Variants in LMF1 observed in about 807,000 individuals in gnomAD.
LMF1 encodes the protein lipase maturation factor 1.
Under a neutral mutation model 60.6 loss-of-function variants are expected in LMF1, and 68 were observed. The ratio of observed to expected loss-of-function variants is 1.12; its 90% CI spans 0.92 to 1.37. The LOEUF is 1.37. Among genes scored for constraint, LMF1 ranks in the 40% most tolerant of loss-of-function variants. LMF1 has a pLI of 0.00. For missense variants in LMF1, 948 were observed against 767.2 expected (o/e 1.24, Z -2.78); for synonymous variants, 418 against 324.7 (o/e 1.29, Z -3.09).
intron 10 of LMF1, among the ~76,000 whole-genome samples, chr16:856,627 C>CA (rs1221859834): frequency 6.6e-6 from 1 of 152,214 alleles, no homozygotes; most frequent in Non-Finnish European, 1.5e-5. Flanking sequence ...TGGTCTCTGA[C>CA]ATCAAGAGCT....
At chr16:936,924 G>A (rs112428182) in intron 2 of LMF1, among the ~76,000 whole-genome samples, 1 of 152,114 alleles carries the variant, frequency 6.6e-6, no homozygotes, top group African/African-American at 2.4e-5. Flanking sequence ...CCAAGATCGC[G>A]CTACTATTGC....
chr16:914,322 A>C (rs2071207902), intron 3 of LMF1, among the ~76,000 whole-genome samples: 1 of 152,022 alleles, frequency 6.6e-6, no homozygotes, highest in Non-Finnish European at 1.5e-5. Context: ...CCCTGACCCA[A>C]ATGGGGAGAA....
chr16:938,571 A>G (rs1323922594), intron 2 of LMF1, among the ~76,000 whole-genome samples: 2 of 152,246 alleles, frequency 1.3e-5, no homozygotes, highest in African/African-American at 4.8e-5. Flanking sequence ...AATGGTAATA[A>G]CAAGAGGTGT....
At position 931,933 on chromosome 16, in the gene LMF1, G is replaced by A. The variant is rs925193072; in HGVS notation, c.514+2311C>T. On this transcript the variant is annotated intron_variant, in intron 3 of 10. Transcript: ENST00000262301. Reference sequence around the variant, plus strand: ...CGAAGAATCAGTTAGAATGTATGACGCTCACCTGAAAACACCCAGGGAGAC... The same window carrying A: ...CGAAGAATCAGTTAGAATGTATGACACTCACCTGAAAACACCCAGGGAGAC... 9 of 694,020 alleles carry A rather than the reference G, an allele frequency of 1.3e-5. No individual in the cohort carries two copies. In the Admixed American group the frequency reaches 2.7e-4, roughly 21 times the overall value. 43.0% of individuals were successfully genotyped at this position (694,020 alleles called of 1,614,324 possible).
At chr16:892,711 C>T (rs1434051740) in intron 5 of LMF1, among the ~76,000 whole-genome samples, 6 of 152,220 alleles carry the variant, frequency 3.9e-5, no homozygotes, top group Non-Finnish European at 8.8e-5. Flanking sequence ...GAAGGAGGGG[C>T]CGGCCCGGAG....
At chr16:904,556 G>C (rs2070921654) in intron 4 of LMF1, among the ~76,000 whole-genome samples, 1 of 71,006 alleles carries the variant, frequency 1.4e-5, no homozygotes, top group Non-Finnish European at 2.5e-5. Flanking sequence ...GCCTATCTCT[G>C]CTGTGTGGTG....
chr16:954,546 T>G lies in LMF1; in HGVS notation c.314A>C (p.Glu105Ala), dbSNP rs1190006119. Residue 105 changes from glutamate to alanine, a missense_variant, in exon 2 of 11, where the codon GAA becomes GCA. Transcript: ENST00000262301. The stretch of plus-strand genomic sequence containing the variant: ...GATGGTGGGCATGTAGCTGAAGACT[T>G]CCCAGCTCGTCCTGTCCTGGAAGTA... ...QQYFQDRTSW[E>A]VFSYMPTILW... is the part of the protein sequence containing the mutation. 6.2e-7 allele frequency: 1 copy of G among 1,613,242 alleles called. No homozygotes were observed. The highest frequency in any genetic ancestry group is 8.5e-7 in the Non-Finnish European group (1 of 1,179,818).
At chr16:935,105 A>AT (rs568089078) in intron 2 of LMF1, among the ~76,000 whole-genome samples, 14,433 of 145,724 alleles carry the variant, frequency 0.099, 757 homozygotes, top group African/African-American at 0.14. Context: ...GTTGATCAGA[A>AT]TTTTTTTTTT....
At chr16:928,137 G>A (rs1163912651) in intron 3 of LMF1, among the ~76,000 whole-genome samples, 2 of 152,334 alleles carry the variant, frequency 1.3e-5, no homozygotes, top group East Asian at 1.9e-4. Flanking sequence ...TCCTGCCTCC[G>A]TGGCTCACAC....
At chr16:872,317 G>A (rs1402780638) in intron 6 of LMF1, 4 of 152,212 alleles carry the variant, frequency 2.6e-5, no homozygotes, top group Non-Finnish European at 5.9e-5. Context: ...GAGGAAGGTT[G>A]AGGGCAGGGA....
At chr16:860,996 C>T (rs1555440761) in intron 10 of LMF1, among the ~76,000 whole-genome samples, 1 of 149,434 alleles carries the variant, frequency 6.7e-6, no homozygotes, top group Non-Finnish European at 1.5e-5. Context: ...TTGTCCTTAC[C>T]TATTAACACA....
chr16:954,452 G>C lies in LMF1; in HGVS notation c.408C>G (p.Ile136Met), dbSNP rs753679188. ...LDLLALLGLGISSFVLITGCA... is the reference protein window; with the variant it reads ...LDLLALLGLGMSSFVLITGCA... ...AGCCCGTGATCAGTACGAAAGACGA[G>C]ATGCCCAGTCCGAGAAGAGCCAGCA... is the stretch of plus-strand genomic sequence containing the variant. Residue 136 changes from isoleucine to methionine, a missense_variant, in exon 2 of 11, where the codon ATC (isoleucine) becomes ATG (methionine). Coordinates refer to ENST00000262301, the MANE Select transcript of LMF1 (RefSeq NM_022773.4). 6.2e-7 allele frequency: 1 copy of C among 1,612,902 alleles called. No individual in the cohort carries two copies. Among genetic ancestry groups the C allele is most frequent in the Admixed American group, 1.7e-5 (1 of 59,890 alleles).
intron 3 of LMF1, among the ~76,000 whole-genome samples, chr16:919,622 G>A (rs1359307886): frequency 6.6e-6 from 1 of 152,192 alleles, no homozygotes; most frequent in Admixed American, 6.5e-5. Context: ...GTCTCATGTG[G>A]GTCACTCTTG....
intron 2 of LMF1, among the ~76,000 whole-genome samples, chr16:950,033 C>G (rs1223937987): frequency 0.019 from 2,055 of 108,594 alleles, 11 homozygotes; most frequent in South Asian, 0.032. Flanking sequence ...AGTCAGCCAA[C>G]GACAGAGTCA....
chr16:938,885 G>A (rs534071128), intron 2 of LMF1, among the ~76,000 whole-genome samples: 3 of 152,330 alleles, frequency 2.0e-5, no homozygotes, highest in Admixed American at 1.3e-4. Context: ...GCTGGAGGCC[G>A]TTTCGACAAA....
intron 8 of LMF1, 127 bp from the exon 9 acceptor site, chr16:870,193 C>T (rs1301188992): frequency 1.8e-6 from 2 of 1,092,738 alleles, no homozygotes; most frequent in African/African-American, 3.1e-5. Flanking sequence ...CTCCACCTGC[C>T]TCCTGGTCAG....
intron 2 of LMF1, among the ~76,000 whole-genome samples, chr16:953,184 A>G (rs2072537998): frequency 1.1e-5 from 1 of 90,106 alleles, no homozygotes. Flanking sequence ...CAGACACCCC[A>G]AACCAGCCTC....
chr16:912,796 T>A (rs2071158090), intron 3 of LMF1, among the ~76,000 whole-genome samples: 1 of 152,150 alleles, frequency 6.6e-6, no homozygotes, highest in Non-Finnish European at 1.5e-5. Flanking sequence ...TTTGCTTGGG[T>A]CTTGAGGAAT....
In LMF1 at chr16:867,549, G is replaced by A. The variant is rs149603561; in HGVS notation, c.1529+1395C>T. 5.6e-3 allele frequency among the ~76,000 whole-genome samples: 859 copies of A among 152,336 alleles called. 10 individuals are homozygous for A. The highest frequency in any genetic ancestry group is 0.02 in the African/African-American group (817 of 41,588). On this transcript the variant is annotated intron_variant, in intron 10 of 10. Transcript: ENST00000262301. ...CGAGCTCTGGGGCCTGGTCCCCAGT[G>A]AGCCAGGGGAACGGCCGCCTGTCCG...
Sources: gnomAD v4.1 joint callset for allele counts (sites outside exome capture counted in the v4.1 genomes callset) on GRCh38, gnomAD v4.1.1 for gene constraint, MANE v1.5 for transcripts, NCBI Gene and HGNC (gene_info 2026-07-23, HGNC 2026-07-21) for gene names.